ITGA11: variants seen among roughly 807,000 people sequenced by gnomAD.
The protein encoded by ITGA11 is integrin subunit alpha 11.
A neutral mutation model predicts 141.9 loss-of-function variants in ITGA11; 97 were observed. That is an observed-to-expected ratio of 0.68 (90% CI 0.58 to 0.81). The LOEUF is 0.81. ITGA11 is among the 30% of genes least tolerant of loss of function. The pLI is 0.00. For missense variants in ITGA11, 1,387 were observed against 1,559.2 expected, an observed-to-expected ratio of 0.89 and a Z score of 1.86; for synonymous variants, 658 against 624.6, an observed-to-expected ratio of 1.05 and a Z score of -0.80.
At chr15:68,348,808 TG>T in intron 10 of ITGA11, 21 bp downstream of exon 10, 1 of 1,596,852 alleles carries the variant, frequency 6.3e-7, no homozygotes. Flanking sequence ...CTGGGCTCTG[TG>T]CCCGTACCTC....
chr15:68,369,366 G>A (rs1443046076), intron 2 of ITGA11, 82 bp from the exon 3 acceptor site: 1 of 414,346 alleles, frequency 2.4e-6, no homozygotes, highest in Non-Finnish European at 4.6e-6. Context: ...GGGCAGTGTG[G>A]AGGTGAAGTT....
intron 3 of ITGA11, among the ~76,000 whole-genome samples, chr15:68,368,163 A>C (rs889861988): frequency 6.6e-6 from 1 of 152,106 alleles, no homozygotes; most frequent in Non-Finnish European, 1.5e-5. Flanking sequence ...ATTCCCGCCC[A>C]GTGAGACCCT....
chr15:68,407,151 C>T (rs923547828), intron 1 of ITGA11, among the ~76,000 whole-genome samples: 3 of 151,984 alleles, frequency 2.0e-5, no homozygotes, highest in Non-Finnish European at 2.9e-5. Flanking sequence ...CAGGGAGACG[C>T]AATGGGAGGG....
chr15:68,422,134 C>G (rs1484232984), intron 1 of ITGA11, among the ~76,000 whole-genome samples: 1 of 152,184 alleles, frequency 6.6e-6, no homozygotes, highest in African/African-American at 2.4e-5. Context: ...GGGGCGCTCC[C>G]TCTCACTCAG....
In ITGA11 at chr15:68,302,289, G is replaced by C. The variant is rs1893058854; in HGVS notation, c.*770C>G. On this transcript the variant is annotated 3_prime_UTR_variant, in exon 30 of 30. Coordinates refer to ENST00000315757, the MANE Select transcript of ITGA11 (RefSeq NM_001004439.2). Reference sequence around the variant, plus strand: ...TCCCATGAGGTACCTGGGAACAAAAGTGACCCGGGAGGGTTGGCAGCTGAG... The same window carrying C: ...TCCCATGAGGTACCTGGGAACAAAACTGACCCGGGAGGGTTGGCAGCTGAG... The C allele has an allele frequency of 6.6e-6, 1 of 152,308 alleles. No individual in the cohort carries two copies. The highest frequency in any genetic ancestry group is 2.4e-5 in the African/African-American group (1 of 41,444). 9.4% of individuals were successfully genotyped at this position (152,308 alleles called of 1,614,324 possible). A position where few individuals can be genotyped will look rare whatever the true frequency, so the allele number is the denominator to read the frequency against.
At position 68,303,936 on chromosome 15, in the gene ITGA11, G is replaced by T. The variant is rs557420599; in HGVS notation, c.3382-51C>A. 7.8e-7 allele frequency: 1 copy of T among 1,284,580 alleles called. No individual in the cohort carries two copies. Among genetic ancestry groups the T allele is most frequent in the Non-Finnish European group, 1.1e-6 (1 of 887,636 alleles). 79.6% of individuals were successfully genotyped at this position (1,284,580 alleles called of 1,614,324 possible). A position where few individuals can be genotyped will look rare whatever the true frequency, so the allele number is the denominator to read the frequency against. On this transcript the variant is annotated intron_variant, in intron 28 of 29. Transcript: ENST00000315757. This position sits in a 1 kb window ranked among gnomAD's most constrained non-coding sequence, Gnocchi z 5.3. Reference sequence around the variant, plus strand: ...ACAGCATTACTCTTCTGGGGCTGGGGTGGCAGTCTGGGAGGGGCAGGAGGG... The same window carrying T: ...ACAGCATTACTCTTCTGGGGCTGGGTTGGCAGTCTGGGAGGGGCAGGAGGG...
rs772116479 is a variant in ITGA11 at position 68,320,248 on chromosome 15, G to C, written c.2553C>G (p.Ala851=). 6.2e-7 allele frequency: 1 copy of C among 1,614,060 alleles called. No individual in the cohort carries two copies. The highest frequency in any genetic ancestry group is 1.1e-5 in the South Asian group (1 of 91,082). ...GCGAGATATTTAGGACCGTGCTGTAGGCGTTCTCGCCCCTGTTCTCCAGTG... is the reference window on the plus strand; with the variant it reads ...GCGAGATATTTAGGACCGTGCTGTACGCGTTCTCGCCCCTGTTCTCCAGTG... ...EATLENRGEN[A]YSTVLNISQS... The change falls in exon 20 of 30, where the codon GCC becomes GCG. Residue 851 remains alanine (A), a synonymous_variant. Transcript: ENST00000315757.
intron 20 of ITGA11, among the ~76,000 whole-genome samples, chr15:68,318,735 G>T (rs1276084721): frequency 6.6e-6 from 1 of 152,058 alleles, no homozygotes; most frequent in African/African-American, 2.4e-5. Context: ...CAAGGGGGGG[G>T]CACTTGGGGA....
Position 68,333,487 on chromosome 15 carries a change from TTC to T in ITGA11, c.1426-1011_1426-1010del, listed in dbSNP as rs917367291. On this transcript the variant is annotated intron_variant, in intron 12 of 29. Coordinates refer to ENST00000315757, the MANE Select transcript of ITGA11 (RefSeq NM_001004439.2). The surrounding 1 kb of genome is among the most constrained non-coding windows in gnomAD (Gnocchi z 4.2). ...TGTCTGAGCACTTGCTGTGTTCCCC[TTC>T]TGTTTGGGGTACAGTGCTCCCCACT... is the stretch of plus-strand genomic sequence containing the variant. Among the ~76,000 whole-genome samples the T allele has an allele frequency of 6.6e-6, 1 of 152,174 alleles. No homozygotes were observed. The highest frequency in any genetic ancestry group is 2.4e-5 in the African/African-American group (1 of 41,430).
rs1201961619 is a variant in ITGA11, at chr15:68,304,867, C to G, written c.3382-982G>C. 2.6e-5 allele frequency among the ~76,000 whole-genome samples: 4 copies of G among 152,260 alleles called. No homozygotes were observed. Among genetic ancestry groups the G allele is most frequent in the Non-Finnish European group, 4.4e-5 (3 of 68,048 alleles). On this transcript the variant is annotated intron_variant, in intron 28 of 29. Transcript: ENST00000315757. The surrounding 1 kb of genome is among the most constrained non-coding windows in gnomAD (Gnocchi z 6.1). The stretch of plus-strand genomic sequence containing the variant: ...TCTGTCCATTCTACCTTGGAAACAC[C>G]TGGAATGTGGCCACCACTCCCACCT...
rs530731649 is a variant in ITGA11, at chr15:68,305,502, A to C, written c.3382-1617T>G. Among the ~76,000 whole-genome samples the C allele has an allele frequency of 6.6e-6, 1 of 152,332 alleles. No homozygotes were observed. Among genetic ancestry groups the C allele is most frequent in the Non-Finnish European group, 1.5e-5 (1 of 68,032 alleles). ...CCTGGAGCCGTGCCGGGAATGTAGCAGGAGCTCAGCTAACACGTGGAGTGA... is the reference window on the plus strand; with the variant it reads ...CCTGGAGCCGTGCCGGGAATGTAGCCGGAGCTCAGCTAACACGTGGAGTGA... On this transcript the variant is annotated intron_variant, in intron 28 of 29. Transcript: ENST00000315757. The surrounding 1 kb of genome is among the most constrained non-coding windows in gnomAD (Gnocchi z 4.6).
chr15:68,364,647 A>G (rs1406467210), intron 4 of ITGA11, 60 bp downstream of exon 4: 1 of 904,832 alleles, frequency 1.1e-6, no homozygotes, highest in Middle Eastern at 2.6e-4. Context: ...GAGACGCTCC[A>G]CCCCTCCCCA....
rs749900609 is a variant in ITGA11, at chr15:68,308,028, G to A, written c.3175-332C>T. On this transcript the variant is annotated intron_variant, in intron 26 of 29. Transcript: ENST00000315757. The surrounding 1 kb of genome is among the most constrained non-coding windows in gnomAD (Gnocchi z 5.2). ...CATTAAGATAAAAAATTCTATGATC[G>A]CTGCAACAGATGCAGAAAAAGTATT... is the stretch of plus-strand genomic sequence containing the variant. Among the ~76,000 whole-genome samples, 10 of 152,174 alleles carry A rather than the reference G, an allele frequency of 6.6e-5. No homozygotes were observed. The East Asian group carries it at 1.3e-3, about 20-fold the overall frequency.
intron 1 of ITGA11, among the ~76,000 whole-genome samples, chr15:68,411,403 A>C (rs1044162990): frequency 4.6e-5 from 7 of 152,202 alleles, no homozygotes; most frequent in African/African-American, 1.7e-4. Flanking sequence ...CCCTCTGCTC[A>C]CTACAGAACT....
At chr15:68,364,996 G>T in intron 3 of ITGA11, 198 bp from the exon 4 acceptor site, 1 of 309,938 alleles carries the variant, frequency 3.2e-6, no homozygotes, top group Non-Finnish European at 3.8e-6. Context: ...TGAGAAAACC[G>T]AGTCTCAGAG....
At position 68,320,289 on chromosome 15, in the gene ITGA11, C is replaced by A; in HGVS notation, c.2512G>T (p.Val838Leu). ...VFIIESTRQR[V>L]AVEATLENRG... ...TTCTCCAGTGTGGCCTCCACCGCCA[C>A]TCGCTGGCGTGTGCTCTCTATGATG... Residue 838 changes from valine to leucine, a missense_variant, in exon 20 of 30, where the codon GTG becomes TTG. Coordinates refer to ENST00000315757, the MANE Select transcript of ITGA11 (RefSeq NM_001004439.2). 1 of 1,614,050 alleles carries A rather than the reference C, an allele frequency of 6.2e-7. No individual in the cohort carries two copies. The highest frequency in any genetic ancestry group is 8.5e-7 in the Non-Finnish European group (1 of 1,179,894).
rs1024271953 is a variant in ITGA11, at chr15:68,296,994, C to G, written c.*6065G>C. The G allele has an allele frequency of 1.3e-5, 2 of 152,154 alleles. No homozygotes were observed. Among genetic ancestry groups the G allele is most frequent in the African/African-American group, 4.8e-5 (2 of 41,396 alleles). 9.4% of individuals were successfully genotyped at this position (152,154 alleles called of 1,614,324 possible). On this transcript the variant is annotated 3_prime_UTR_variant, in exon 30 of 30. Transcript: ENST00000315757. ...TCATTCTGTCACCCAGGCTGGAGTG[C>G]AGTGGTGCCATCATGGCTTACTGTC...
chr15:68,424,084 T>C (rs918977936), intron 1 of ITGA11, among the ~76,000 whole-genome samples: 5 of 152,264 alleles, frequency 3.3e-5, no homozygotes, highest in African/African-American at 1.2e-4. Context: ...TCTTTGGTTT[T>C]TCTGGTCTCC....
chr15:68,362,129 A>C (rs1056789133), intron 4 of ITGA11, among the ~76,000 whole-genome samples: 1 of 152,204 alleles, frequency 6.6e-6, no homozygotes, highest in South Asian at 2.1e-4. Context: ...TTACTGGGCA[A>C]ACTTCTAGGA....
Sources: allele counts gnomAD v4.1 joint callset (sites outside exome capture counted in the v4.1 genomes callset), GRCh38; gene constraint gnomAD v4.1.1; non-coding constraint Gnocchi (gnomAD v3.1); transcripts MANE v1.5; gene names NCBI Gene and HGNC (gene_info 2026-07-23, HGNC 2026-07-21).